The following SESTD1 variants were observed in gnomAD, a reference collection of about 807,000 sequenced individuals.
SESTD1 encodes the protein SEC14 domain and spectrin repeat-containing protein 1.
A neutral mutation model predicts 101.7 loss-of-function variants in SESTD1; 43 were observed. The observed-to-expected ratio is 0.42, with a 90% CI of 0.33 to 0.55. The LOEUF is 0.55. SESTD1 is among the 20% of genes least tolerant of loss of function. The probability of loss-of-function intolerance (pLI) is 0.07; values close to 1 mark genes in which losing one functional copy is unlikely to be tolerated. For missense variants in SESTD1, 647 were observed against 815.1 expected (o/e 0.79, Z 2.51); for synonymous variants, 283 against 286.8 (o/e 0.99, Z 0.13).
At chr2:179,171,319 T>C (rs1028195780) in intron 5 of SESTD1, among the ~76,000 whole-genome samples, 3 of 152,196 alleles carry the variant, frequency 2.0e-5, no homozygotes, top group Non-Finnish European at 4.4e-5. Flanking sequence ...AATCTTTCTA[T>C]CCAATATACA....
intron 1 of SESTD1, among the ~76,000 whole-genome samples, chr2:179,245,027 C>T (rs1375207483): frequency 1.3e-5 from 2 of 152,128 alleles, no homozygotes; most frequent in Non-Finnish European, 2.9e-5. Flanking sequence ...CAAAGAGATA[C>T]ACTCAAAAAC....
At chr2:179,157,225 C>T (rs1254677408) in intron 5 of SESTD1, among the ~76,000 whole-genome samples, 2 of 152,100 alleles carry the variant, frequency 1.3e-5, no homozygotes, top group African/African-American at 4.8e-5. Context: ...TCACAGATGA[C>T]ACAAACAAAT....
intron 16 of SESTD1, among the ~76,000 whole-genome samples, chr2:179,113,401 C>T (rs563994534): frequency 5.9e-5 from 9 of 152,222 alleles, no homozygotes; most frequent in African/African-American, 2.2e-4. Flanking sequence ...AGTTAACTGC[C>T]ATAAAATGAT....
At chr2:179,227,408 C>T (rs1401850515) in intron 1 of SESTD1, among the ~76,000 whole-genome samples, 1 of 152,060 alleles carries the variant, frequency 6.6e-6, no homozygotes, top group Non-Finnish European at 1.5e-5. Flanking sequence ...TGATACCATC[C>T]ACAAAAGAAG....
At chr2:179,222,044 A>AT (rs1162636166) in intron 1 of SESTD1, among the ~76,000 whole-genome samples, 3 of 152,238 alleles carry the variant, frequency 2.0e-5, no homozygotes, top group African/African-American at 7.2e-5. Flanking sequence ...AATTATTAAA[A>AT]TGTCATTTTG....
intron 1 of SESTD1, among the ~76,000 whole-genome samples, chr2:179,227,018 T>C (rs573751897): frequency 2.0e-5 from 3 of 152,334 alleles, no homozygotes; most frequent in African/African-American, 7.2e-5. Context: ...TTAAATTACA[T>C]AGTTCAGGGA....
At chr2:179,167,621 T>C (rs1387329600) in intron 5 of SESTD1, among the ~76,000 whole-genome samples, 1 of 146,956 alleles carries the variant, frequency 6.8e-6, no homozygotes, top group African/African-American at 2.7e-5. Flanking sequence ...TGAAAAATCT[T>C]GAAAGTGCCT....
chr2:179,181,830 A>C (rs1233155253), intron 3 of SESTD1, among the ~76,000 whole-genome samples: 1 of 152,182 alleles, frequency 6.6e-6, no homozygotes, highest in Non-Finnish European at 1.5e-5. Context: ...TCTAATGATG[A>C]ACAAGTTAGC....
intron 1 of SESTD1, among the ~76,000 whole-genome samples, chr2:179,245,271 C>A (rs2047212659): frequency 6.6e-6 from 1 of 152,054 alleles, no homozygotes; most frequent in African/African-American, 2.4e-5. Context: ...AATCCCAGCA[C>A]TTTAGGAGGC....
At chr2:179,130,319 TA>T (rs1358529274) in intron 10 of SESTD1, among the ~76,000 whole-genome samples, 1 of 152,138 alleles carries the variant, frequency 6.6e-6, no homozygotes, top group Non-Finnish European at 1.5e-5. Flanking sequence ...GATATTAGAA[TA>T]ATCTATAAGG....
chr2:179,171,921 G>A (rs1298535566), intron 5 of SESTD1, among the ~76,000 whole-genome samples, 199 bp downstream of exon 5: 1 of 152,068 alleles, frequency 6.6e-6, no homozygotes, highest in Non-Finnish European at 1.5e-5. Flanking sequence ...AAACAAGAAA[G>A]CTTTCATGAT....
chr2:179,191,654 T>C (rs1191013727), intron 2 of SESTD1, 133 bp downstream of exon 2: 1 of 756,446 alleles, frequency 1.3e-6, no homozygotes, highest in South Asian at 1.7e-5. Flanking sequence ...TTCATTCTGA[T>C]TTAAAGATGT....
At chr2:179,240,417 A>G (rs771958077) in intron 1 of SESTD1, among the ~76,000 whole-genome samples, 2 of 152,202 alleles carry the variant, frequency 1.3e-5, no homozygotes, top group Non-Finnish European at 1.5e-5. Context: ...AAGCCTAAGA[A>G]GTCTGTGAAC....
chr2:179,247,594 T>A (rs1386419669), intron 1 of SESTD1, among the ~76,000 whole-genome samples: 2 of 74,446 alleles, frequency 2.7e-5, no homozygotes, highest in African/African-American at 1.1e-4. Context: ...CTGGCTAATT[T>A]GTTAAATTTT....
Position 179,210,328 on chromosome 2 carries a change from C to A in SESTD1, c.-25-18462G>T, listed in dbSNP as rs1369489901. On this transcript the variant is annotated intron_variant, in intron 1 of 17. Coordinates refer to ENST00000428443, the MANE Select transcript of SESTD1 (RefSeq NM_178123.5). Reference sequence around the variant, plus strand: ...AACAGGGAATCCTCCCTAAATCATTCTGTGAAGCCAGTATTCCCCTAATAC... The same window carrying A: ...AACAGGGAATCCTCCCTAAATCATTATGTGAAGCCAGTATTCCCCTAATAC... 3.0e-5 allele frequency among the ~76,000 whole-genome samples: 4 copies of A among 134,660 alleles called. 1 individual carries two copies. Among genetic ancestry groups the A allele is most frequent in the African/African-American group, 1.2e-4 (4 of 34,100 alleles). 88.3% of individuals were successfully genotyped at this position (134,660 alleles called of 152,430 possible).
intron 9 of SESTD1, among the ~76,000 whole-genome samples, chr2:179,133,665 G>A (rs1329218776): frequency 1.3e-5 from 2 of 152,190 alleles, no homozygotes; most frequent in African/African-American, 2.4e-5. Flanking sequence ...TATCTCTGCA[G>A]CATAATATTA....
chr2:179,152,503 A>T (rs28727305), intron 5 of SESTD1, among the ~76,000 whole-genome samples: 3 of 152,246 alleles, frequency 2.0e-5, no homozygotes, highest in Non-Finnish European at 4.4e-5. Context: ...CTTTAAAAAA[A>T]TTTAAAAAAC....
At chr2:179,193,680 T>A (rs763585801) in intron 1 of SESTD1, among the ~76,000 whole-genome samples, 12 of 152,340 alleles carry the variant, frequency 7.9e-5, no homozygotes, top group Middle Eastern at 3.4e-3. Context: ...GGTACTATTA[T>A]TTTATTAGCC....
intron 1 of SESTD1, 50 bp from the exon 2 acceptor site, chr2:179,191,916 C>CGAAATATATCCTAATGATGGTTT: frequency 8.4e-7 from 1 of 1,192,016 alleles, no homozygotes; most frequent in Non-Finnish European, 1.2e-6. Context: ...AATTATTCCA[C>CGAAATATATCCTAATGATGGTTT]GAAATATATC....
Sources: allele counts gnomAD v4.1 joint callset (sites outside exome capture counted in the v4.1 genomes callset), GRCh38; gene constraint gnomAD v4.1.1; transcripts MANE v1.5; gene names NCBI Gene and HGNC (gene_info 2026-07-23, HGNC 2026-07-21).